Variants in DAB1 observed in about 807,000 individuals in gnomAD.
The protein encoded by DAB1 is DAB adaptor protein 1, also known as disabled homolog 1.
In DAB1, 15 loss-of-function variants were observed where a neutral mutation model predicts 64.6. The ratio of observed to expected loss-of-function variants is 0.23; its 90% CI spans 0.16 to 0.36. The LOEUF is 0.36. DAB1 is among the 10% of genes least tolerant of loss of function. DAB1 has a pLI of 1.00. For synonymous variants in DAB1, 235 were observed against 251.9 expected (o/e 0.93, Z 0.64); for missense variants, 596 against 706.7 (o/e 0.84, Z 1.78).
At chr1:58,072,534 G>T (rs890272989) in intron 5 of DAB1, among the ~76,000 whole-genome samples, 1 of 152,192 alleles carries the variant, frequency 6.6e-6, no homozygotes, top group Non-Finnish European at 1.5e-5. Flanking sequence ...CACCCACAGA[G>T]TTGCTGTGAG....
At chr1:57,794,477 T>C (rs192026438) in intron 6 of DAB1, among the ~76,000 whole-genome samples, 8 of 152,344 alleles carry the variant, frequency 5.3e-5, no homozygotes, top group African/African-American at 1.7e-4. Context: ...TGGGATGTTC[T>C]ACATTTTCAG....
chr1:57,646,458 C>G (rs978544214), intron 7 of DAB1, among the ~76,000 whole-genome samples: 2 of 152,148 alleles, frequency 1.3e-5, no homozygotes, highest in Non-Finnish European at 2.9e-5. Context: ...GCACAAAACT[C>G]TGGTTGCTGC....
intron 7 of DAB1, among the ~76,000 whole-genome samples, chr1:57,496,963 G>A (rs150370226): frequency 5.9e-5 from 9 of 152,272 alleles, no homozygotes; most frequent in African/African-American, 2.2e-4. Context: ...CTACTGGCAC[G>A]ACTTTCCTGT....
At chr1:57,634,163 C>T (rs1312117338) in intron 7 of DAB1, among the ~76,000 whole-genome samples, 1 of 152,172 alleles carries the variant, frequency 6.6e-6, no homozygotes, top group Non-Finnish European at 1.5e-5. Flanking sequence ...CTTGGTGTGA[C>T]CTTGAAGAGT....
chr1:58,220,870 T>TACAC (rs1440284422), intron 4 of DAB1, among the ~76,000 whole-genome samples: 122 of 47,844 alleles, frequency 2.5e-3, no homozygotes, highest in African/African-American at 4.5e-3. Context: ...TATATACATA[T>TACAC]ATACACACAC....
chr1:57,865,676 C>A (rs1569877308), intron 1 of DAB1, among the ~76,000 whole-genome samples: 3 of 152,272 alleles, frequency 2.0e-5, no homozygotes, highest in African/African-American at 7.2e-5. Context: ...CTGCTCGCGG[C>A]CGTGCTCTCA....
At chr1:57,717,835 C>T (rs1243284646) in intron 6 of DAB1, among the ~76,000 whole-genome samples, 2 of 151,906 alleles carry the variant, frequency 1.3e-5, no homozygotes, top group African/African-American at 4.8e-5. Flanking sequence ...ACCTGGAGGA[C>T]ATTATGTTAG....
At chr1:58,217,502 C>T (rs1658920492) in intron 4 of DAB1, among the ~76,000 whole-genome samples, 2 of 152,236 alleles carry the variant, frequency 1.3e-5, no homozygotes, top group Admixed American at 1.3e-4. Flanking sequence ...CATTTTCCTA[C>T]ACTCAACCAT....
intron 2 of DAB1, among the ~76,000 whole-genome samples, chr1:57,246,143 G>A (rs547104964): frequency 6.6e-6 from 1 of 152,342 alleles, no homozygotes; most frequent in East Asian, 1.9e-4. Flanking sequence ...AGTATTAACA[G>A]CCATGATAAT....
At chr1:58,013,043 C>T (rs1646690625) in intron 5 of DAB1, among the ~76,000 whole-genome samples, 1 of 152,130 alleles carries the variant, frequency 6.6e-6, no homozygotes, top group African/African-American at 2.4e-5. Flanking sequence ...GACTAAATTC[C>T]CCAACTTTCC....
At chr1:57,159,834 G>A (rs1245001128) in intron 2 of DAB1, among the ~76,000 whole-genome samples, 2 of 114,668 alleles carry the variant, frequency 1.7e-5, no homozygotes, top group South Asian at 3.1e-4. Context: ...ATATCTTCAC[G>A]TACAAGGTAG....
intron 7 of DAB1, among the ~76,000 whole-genome samples, chr1:57,623,929 C>T (rs978165926): frequency 1.8e-4 from 28 of 152,186 alleles, no homozygotes; most frequent in African/African-American, 6.0e-4. Flanking sequence ...ATGCTATGCA[C>T]TAACAAAACA....
intron 5 of DAB1, among the ~76,000 whole-genome samples, chr1:58,073,306 A>T (rs1476239556): frequency 6.6e-6 from 1 of 152,004 alleles, no homozygotes; most frequent in Non-Finnish European, 1.5e-5. Context: ...AACTGATTAA[A>T]TTTCATTTTC....
chr1:57,685,112 C>G (rs1458345072), intron 6 of DAB1, among the ~76,000 whole-genome samples: 5 of 151,774 alleles, frequency 3.3e-5, no homozygotes, highest in African/African-American at 1.2e-4. Flanking sequence ...GCCATCATGC[C>G]TGGCTACTTT....
At chr1:58,541,614 C>CAAAAAAAAAAAAAAAAAAAA in intron 1 of DAB1, 1 of 65,634 alleles carries the variant, frequency 1.5e-5, no homozygotes, top group Non-Finnish European at 2.7e-5. Flanking sequence ...GAGAACCTGT[C>CAAAAAAAAAAAAAAAAAAAA]AAAAAAAAAA....
At chr1:58,013,400 G>A (rs1646696087) in intron 5 of DAB1, among the ~76,000 whole-genome samples, 1 of 152,178 alleles carries the variant, frequency 6.6e-6, no homozygotes, top group African/African-American at 2.4e-5. Flanking sequence ...ACCATTGTGT[G>A]ATGCAGGACA....
intron 7 of DAB1, among the ~76,000 whole-genome samples, chr1:57,468,370 G>A (rs546954553): frequency 1.3e-5 from 2 of 152,148 alleles, no homozygotes; most frequent in Non-Finnish European, 2.9e-5. Flanking sequence ...GACGGAGTAA[G>A]GTTTGTTGGA....
At chr1:58,128,128 AT>A (rs1486081726) in intron 5 of DAB1, among the ~76,000 whole-genome samples, 1 of 151,878 alleles carries the variant, frequency 6.6e-6, no homozygotes, top group African/African-American at 2.4e-5. Flanking sequence ...ATCCTCTTTT[AT>A]TTCCTGGAGC....
chr1:58,188,884 A>G (rs1657233945), intron 4 of DAB1, among the ~76,000 whole-genome samples: 1 of 152,178 alleles, frequency 6.6e-6, no homozygotes, highest in South Asian at 2.1e-4. Context: ...TGTGTACCTG[A>G]ATTTCATGGG....
Sources: allele counts gnomAD v4.1 joint callset (sites outside exome capture counted in the v4.1 genomes callset), GRCh38; gene constraint gnomAD v4.1.1; transcripts MANE v1.5; gene names NCBI Gene and HGNC (gene_info 2026-07-23, HGNC 2026-07-21).